Variants in EIF3A observed in about 807,000 individuals in gnomAD.
The protein encoded by EIF3A is EIF3, p180 subunit.
A neutral mutation model predicts 186.6 loss-of-function variants in EIF3A; 21 were observed. The ratio of observed to expected loss-of-function variants is 0.11; its 90% confidence interval spans 0.08 to 0.16. The LOEUF (loss-of-function observed/expected upper bound fraction) is 0.16. Ranked by LOEUF, EIF3A falls within the 10% of genes least tolerant of loss-of-function variation. EIF3A has a pLI of 1.00. For synonymous variants in EIF3A, 563 were observed against 584.3 expected (o/e 0.96, Z 0.52); for missense variants, 1,306 against 1,796.3 (o/e 0.73, Z 4.93).
chr10:119,043,915 A>T, intron 18 of EIF3A, 139 bp downstream of exon 18: 1 of 678,718 alleles, frequency 1.5e-6, no homozygotes, highest in Non-Finnish European at 2.6e-6. Flanking sequence ...ACAAAATACA[A>T]ACCCACACGC....
intron 1 of EIF3A, among the ~76,000 whole-genome samples, chr10:119,075,928 G>A (rs1266900663): frequency 9.4e-5 from 10 of 106,060 alleles, no homozygotes; most frequent in East Asian, 2.8e-4. Context: ...GGGTTTCACC[G>A]TGTTAGCCAG....
chr10:119,060,275 G>T (rs1843864331), intron 9 of EIF3A: 7 of 417,604 alleles, frequency 1.7e-5, no homozygotes, highest in South Asian at 1.1e-4. Flanking sequence ...CATGGTGGGG[G>T]GTCTATTAAT....
At chr10:119,068,908 G>C (rs1270502050) in intron 6 of EIF3A, among the ~76,000 whole-genome samples, 1 of 141,304 alleles carries the variant, frequency 7.1e-6, no homozygotes, top group African/African-American at 2.7e-5. Flanking sequence ...AGCAGGCAGA[G>C]GATGCAGTGA....
intron 1 of EIF3A, among the ~76,000 whole-genome samples, chr10:119,074,661 C>A (rs1309693210): frequency 6.6e-6 from 1 of 150,470 alleles, no homozygotes; most frequent in Non-Finnish European, 1.5e-5. Flanking sequence ...GGGCCGGGAG[C>A]GGTGGCTTAT....
intron 15 of EIF3A, 24 bp downstream of exon 15, chr10:119,051,175 T>C (rs201530350): frequency 2.3e-5 from 36 of 1,587,978 alleles, no homozygotes; most frequent in Non-Finnish European, 2.8e-5. Context: ...TGAATAAACA[T>C]TTCCCAAAAA....
intron 17 of EIF3A, among the ~76,000 whole-genome samples, chr10:119,048,934 G>A (rs1207264987): frequency 1.3e-5 from 2 of 152,084 alleles, no homozygotes; most frequent in African/African-American, 4.8e-5. Flanking sequence ...CCAAAGTGCT[G>A]GGAATTATAG....
chr10:119,037,423 A>T (rs1267841911), intron 20 of EIF3A, 114 bp from the exon 21 acceptor site: 1 of 924,672 alleles, frequency 1.1e-6, no homozygotes, highest in Non-Finnish European at 1.6e-6. Flanking sequence ...AGACAGTTTA[A>T]ACTCATAACC....
chr10:119,049,578 T>C (rs1418905004), intron 17 of EIF3A, among the ~76,000 whole-genome samples: 3 of 147,194 alleles, frequency 2.0e-5, no homozygotes, highest in African/African-American at 5.0e-5. Context: ...AACTGGGTGA[T>C]AAAAATACAT....
rs760171339 is a variant in EIF3A, at chr10:119,037,198, CCGGTCATCCCTCTCACGGCGA to C, written c.3819_3839del (p.Arg1275_Arg1281del). 8 of 1,613,902 alleles carry C rather than the reference CCGGTCATCCCTCTCACGGCGA, an allele frequency of 5.0e-6. No homozygotes were observed. The East Asian group carries it at 6.7e-5, about 13-fold the overall frequency. On this transcript the variant is annotated inframe_deletion, in exon 21 of 22. Coordinates refer to ENST00000369144, the MANE Select transcript of EIF3A (RefSeq NM_003750.4). ...GATCTCGTCTTTCTCTTAGATCACGCCGGTCATCCCTCTCACGGCGACGGTCATCCCTATCCCTATCGTCCC... is the reference window on the plus strand; with the variant it reads ...GATCTCGTCTTTCTCTTAGATCACGCCGGTCATCCCTATCCCTATCGTCCC...
At chr10:119,066,082 C>G (rs1344139339) in intron 6 of EIF3A, among the ~76,000 whole-genome samples, 1 of 151,520 alleles carries the variant, frequency 6.6e-6, no homozygotes, top group Admixed American at 6.6e-5. Context: ...CGCCACTGCA[C>G]TCCAGCCTGG....
At chr10:119,068,873 T>C (rs950692220) in intron 6 of EIF3A, among the ~76,000 whole-genome samples, 1 of 143,644 alleles carries the variant, frequency 7.0e-6, no homozygotes, top group Non-Finnish European at 1.5e-5. Context: ...CTCCAGAGAC[T>C]GAGCCAGGAG....
rs1237063541 is a variant in EIF3A at position 119,034,685 on chromosome 10, A to G, written c.*1354T>C. The G allele has an allele frequency of 6.6e-6, 1 of 152,190 alleles. No individual in the cohort carries two copies. The highest frequency in any genetic ancestry group is 2.4e-5 in the African/African-American group (1 of 41,448). The allele number at this position is 152,190 out of a possible 1,614,324, so 9.4% of individuals were successfully genotyped here. ...CAATAGGAATTCTCACCACTACTCA[A>G]TAACAGAAATAAGTGCCTACAGCCA... On this transcript the variant is annotated 3_prime_UTR_variant, in exon 22 of 22. Coordinates refer to ENST00000369144, the MANE Select transcript of EIF3A (RefSeq NM_003750.4).
chr10:119,051,354 A>T, intron 14 of EIF3A, 33 bp from the exon 15 acceptor site: 4 of 1,536,288 alleles, frequency 2.6e-6, no homozygotes, highest in South Asian at 2.5e-5. Context: ...ATTTCAATGC[A>T]CTTTTTTTTT....
chr10:119,047,826 C>T (rs1848301230), intron 17 of EIF3A, among the ~76,000 whole-genome samples: 1 of 152,056 alleles, frequency 6.6e-6, no homozygotes, highest in South Asian at 2.1e-4. Flanking sequence ...ACATAAATAA[C>T]TAGTATCAAG....
intron 20 of EIF3A, among the ~76,000 whole-genome samples, chr10:119,037,931 T>TTC (rs1848156306): frequency 6.8e-6 from 1 of 148,006 alleles, no homozygotes; most frequent in African/African-American, 2.5e-5. Flanking sequence ...TTTTTTTTTT[T>TTC]TTGAGACGGA....
intron 14 of EIF3A, among the ~76,000 whole-genome samples, chr10:119,056,030 G>C (rs1265101800): frequency 2.4e-4 from 36 of 152,022 alleles, no homozygotes; most frequent in Admixed American, 2.4e-3. Flanking sequence ...ATCTCCAAGG[G>C]ACAACAATCA....
In EIF3A at chr10:119,059,323, C is replaced by A. The variant is rs780043560; in HGVS notation, c.1518G>T (p.Pro506=). 2 of 1,613,388 alleles carry A rather than the reference C, an allele frequency of 1.2e-6. No individual in the cohort carries two copies. Among genetic ancestry groups the A allele is most frequent in the South Asian group, 1.1e-5 (1 of 90,976 alleles). Residue 506 remains proline, a synonymous_variant, in exon 11 of 22, where the codon CCG becomes CCT. Transcript: ENST00000369144. ...GCATGCTTTGCAAATGAGGACCAAT[C>A]GGAGCATCTTCTCGAGTAGCATAAT... ...DLNYATREDA[P]IGPHLQSMPS...
chr10:119,073,812 C>T lies in EIF3A; in HGVS notation c.175G>A (p.Val59Met), dbSNP rs1428372791. The T allele has an allele frequency of 3.7e-6, 6 of 1,613,862 alleles. No homozygotes were observed. Among genetic ancestry groups the T allele is most frequent in the Non-Finnish European group, 5.1e-6 (6 of 1,179,912 alleles). Residue 59 changes from valine to methionine, a missense_variant, in exon 2 of 22, where the codon GTG (valine) becomes ATG (methionine). By Grantham distance (21) the Val-to-Met change is conservative (BLOSUM62 1). This residue lies in a region of EIF3A where 130 missense variants were observed against 259.3 expected (regional missense o/e 0.50). Coordinates refer to ENST00000369144, the MANE Select transcript of EIF3A (RefSeq NM_003750.4). Reference sequence around the variant, plus strand: ...GCCAAGTGGCTCTTGCGAAGATCCACGCAAAGTTCCAAGTATTTCAACATA... The same window carrying T: ...GCCAAGTGGCTCTTGCGAAGATCCATGCAAAGTTCCAAGTATTTCAACATA... ...PIMLKYLELC[V>M]DLRKSHLAKE...
intron 4 of EIF3A, among the ~76,000 whole-genome samples, chr10:119,072,207 TAAA>T (rs1243808164): frequency 7.3e-5 from 6 of 82,498 alleles, no homozygotes; most frequent in Non-Finnish European, 1.5e-4. Flanking sequence ...AAAAATAAAT[TAAA>T]AAAAAAAAAA....
Sources: gnomAD v4.1 joint callset for allele counts (sites outside exome capture counted in the v4.1 genomes callset) on GRCh38, gnomAD v4.1.1 for gene constraint, gnomAD v4.1.1 regional missense constraint, MANE v1.5 for transcripts, NCBI Gene and HGNC (gene_info 2026-07-23, HGNC 2026-07-21) for gene names.